EML6: variants seen among roughly 807,000 people sequenced by gnomAD.
EML6 encodes EMAP like 6.
A neutral mutation model predicts 240.1 loss-of-function variants in EML6; 154 were observed. The observed-to-expected ratio is 0.64, with a 90% CI of 0.56 to 0.73. The LOEUF (loss-of-function observed/expected upper bound fraction) is 0.73, where lower values mean the gene tolerates loss of function less well. Ranked by LOEUF, EML6 falls within the 30% of genes least tolerant of loss-of-function variation. EML6 has a pLI of 0.00. For missense variants in EML6, 2,964 were observed against 2,474.6 expected (o/e 1.20, Z -4.20); for synonymous variants, 1,148 against 899.0 (o/e 1.28, Z -4.95).
chr2:54,906,435 G>A lies in EML6; in HGVS notation c.3409+2933G>A, dbSNP rs185822220. Among the ~76,000 whole-genome samples, 138 of 152,304 alleles carry A rather than the reference G, an allele frequency of 9.1e-4. 1 individual carries two copies. Among genetic ancestry groups the A allele is most frequent in the African/African-American group, 3.2e-3 (131 of 41,570 alleles). ...TCTGTGTAAAGTCCCTCGATATGGA[G>A]CCATCACTTGGTGGAAAGAGAAGCA... On this transcript the variant is annotated intron_variant, in intron 24 of 41. Transcript: ENST00000356458.
intron 17 of EML6, among the ~76,000 whole-genome samples, chr2:54,886,276 C>T (rs955248373): frequency 5.4e-5 from 8 of 148,808 alleles, no homozygotes; most frequent in Non-Finnish European, 1.2e-4. Flanking sequence ...AGTGATTCTC[C>T]TGTCTCAGCC....
At chr2:54,902,506 C>A (rs530876499) in intron 22 of EML6, among the ~76,000 whole-genome samples, 1 of 152,296 alleles carries the variant, frequency 6.6e-6, no homozygotes, top group South Asian at 2.1e-4. Flanking sequence ...CTCAAGTGAT[C>A]CTTCCACCTT....
intron 7 of EML6, 144 bp downstream of exon 7, chr2:54,829,621 A>G: frequency 1.6e-6 from 1 of 612,712 alleles, no homozygotes; most frequent in South Asian, 2.9e-5. Context: ...TGTTAAAAGT[A>G]AATGGATGTC....
chr2:54,891,323 A>C (rs1052574976), intron 18 of EML6, among the ~76,000 whole-genome samples, 169 bp downstream of exon 18: 4 of 152,154 alleles, frequency 2.6e-5, no homozygotes. Flanking sequence ...AGCTTAGAAC[A>C]CTCTATATGA....
chr2:54,725,577 A>G lies in EML6; in HGVS notation c.197+319A>G, dbSNP rs962988158. Among the ~76,000 whole-genome samples, 2 of 152,156 alleles carry G rather than the reference A, an allele frequency of 1.3e-5. No homozygotes were observed. The highest frequency in any genetic ancestry group is 2.9e-5 in the Non-Finnish European group (2 of 68,038). Reference sequence around the variant, plus strand: ...GAAGGAGCCTGGGTAACTATGAAACACTTCTTCCTTCCCTAACCAGGTGCA... The same window carrying G: ...GAAGGAGCCTGGGTAACTATGAAACGCTTCTTCCTTCCCTAACCAGGTGCA... On this transcript the variant is annotated intron_variant, in intron 2 of 41. Transcript: ENST00000356458. This position sits in a 1 kb window ranked among gnomAD's most constrained non-coding sequence, Gnocchi z 4.3.
chr2:54,843,899 C>T, intron 7 of EML6, 148 bp from the exon 8 acceptor site: 1 of 646,364 alleles, frequency 1.5e-6, no homozygotes, highest in Non-Finnish European at 2.7e-6. Context: ...TTCTCTGCCT[C>T]CAAGAGTCTT....
At chr2:54,921,093 A>G (rs751774757) in intron 26 of EML6, among the ~76,000 whole-genome samples, 1 of 152,092 alleles carries the variant, frequency 6.6e-6, no homozygotes, top group Non-Finnish European at 1.5e-5. Flanking sequence ...GGAACAAGAC[A>G]AGGAAGTCCT....
intron 2 of EML6, among the ~76,000 whole-genome samples, chr2:54,781,033 A>T (rs1431530944): frequency 6.6e-6 from 1 of 152,226 alleles, no homozygotes; most frequent in Non-Finnish European, 1.5e-5. Flanking sequence ...ATAAGAGGAT[A>T]TACTACTGAA....
intron 2 of EML6, among the ~76,000 whole-genome samples, chr2:54,731,281 A>G (rs902370815): frequency 3.3e-5 from 5 of 152,172 alleles, no homozygotes; most frequent in African/African-American, 1.2e-4. Context: ...ATTTCCCAGG[A>G]CAGTCACAAA....
At chr2:54,960,071 GCCTGGAGGGTCTGGAC>G (rs1340242981) in intron 34 of EML6, 133 bp from the exon 35 acceptor site, 11 of 610,346 alleles carry the variant, frequency 1.8e-5, no homozygotes, top group South Asian at 5.9e-5. Flanking sequence ...GAGAGAGGCT[GCCTGGAGGGTCTGGAC>G]CCTGGAGGGT....
intron 35 of EML6, among the ~76,000 whole-genome samples, chr2:54,960,558 C>T (rs998475189): frequency 2.4e-4 from 36 of 152,182 alleles, no homozygotes; most frequent in Admixed American, 1.1e-3. Flanking sequence ...GTCCAGCACA[C>T]AGGTTTGTCA....
intron 2 of EML6, among the ~76,000 whole-genome samples, chr2:54,783,618 A>C (rs1002166831): frequency 1.3e-5 from 2 of 150,500 alleles, no homozygotes; most frequent in Non-Finnish European, 2.9e-5. Flanking sequence ...GCTGTAGTTT[A>C]TGCTGAATTG....
chr2:54,791,394 T>C (rs891061422), intron 2 of EML6, among the ~76,000 whole-genome samples: 1 of 152,208 alleles, frequency 6.6e-6, no homozygotes, highest in Non-Finnish European at 1.5e-5. Flanking sequence ...TGAGTCCGAA[T>C]TTCTCACTGA....
At position 54,916,709 on chromosome 2, in the gene EML6, AAAAC is replaced by A. The variant is rs1182946184; in HGVS notation, c.3499-45_3499-42del. ...CAGGTGCAAACTGTTTCTTTTAAAT[AAAAC>A]AAACTAGGTTGTGCAAAAATATCAT... is the stretch of plus-strand genomic sequence containing the variant. On this transcript the variant is annotated intron_variant, in intron 25 of 41. Coordinates refer to ENST00000356458, the MANE Select transcript of EML6 (RefSeq NM_001039753.4). 16 of 1,402,550 alleles carry A rather than the reference AAAAC, an allele frequency of 1.1e-5. No homozygotes were observed. The African/African-American group carries it at 1.4e-4, about 13-fold the overall frequency. The allele number at this position is 1,402,550 out of a possible 1,614,324, so 86.9% of individuals were successfully genotyped here.
chr2:54,944,963 C>G (rs936934205), intron 28 of EML6, among the ~76,000 whole-genome samples: 4 of 151,258 alleles, frequency 2.6e-5, no homozygotes, highest in Admixed American at 2.6e-4. Flanking sequence ...GCTAATTTCT[C>G]TGTGTTTCTC....
intron 25 of EML6, among the ~76,000 whole-genome samples, chr2:54,912,051 C>G (rs539060178): frequency 3.1e-4 from 47 of 152,352 alleles, no homozygotes; most frequent in Non-Finnish European, 4.4e-4. Context: ...AGGCATCTGC[C>G]TCTCCCTCGC....
intron 28 of EML6, among the ~76,000 whole-genome samples, chr2:54,938,328 C>T (rs7589959): frequency 6.6e-6 from 1 of 151,900 alleles, no homozygotes; most frequent in Non-Finnish European, 1.5e-5. Context: ...GATGAAGTTT[C>T]TGTAATTTTA....
chr2:54,748,825 A>G (rs989105237), intron 2 of EML6, among the ~76,000 whole-genome samples: 1 of 152,082 alleles, frequency 6.6e-6, no homozygotes, highest in Non-Finnish European at 1.5e-5. Flanking sequence ...GGCCTTTTAA[A>G]ATGCTGGGAT....
chr2:54,896,897 A>G (rs1329096650), intron 21 of EML6, among the ~76,000 whole-genome samples: 3 of 152,196 alleles, frequency 2.0e-5, no homozygotes, highest in East Asian at 1.9e-4. Flanking sequence ...GAAAAAATCT[A>G]TGTTAAAAAC....
Sources: allele counts gnomAD v4.1 joint callset (sites outside exome capture counted in the v4.1 genomes callset), GRCh38; gene constraint gnomAD v4.1.1; non-coding constraint Gnocchi (gnomAD v3.1); transcripts MANE v1.5; gene names NCBI Gene and HGNC (gene_info 2026-07-23, HGNC 2026-07-21).